Variants in LOXHD1 observed in about 807,000 individuals in gnomAD.
The protein encoded by LOXHD1 is lipoxygenase homology PLAT domains 1.
In LOXHD1, 205 loss-of-function variants were observed where a neutral mutation model predicts 248.2. That is an observed-to-expected ratio of 0.83 (90% CI 0.74 to 0.93). LOXHD1 has a LOEUF of 0.93. LOXHD1 is among the 40% of genes least tolerant of loss of function. LOXHD1 has a pLI of 0.00. For synonymous variants in LOXHD1, 1,113 were observed against 1,162.8 expected, an observed-to-expected ratio of 0.96 and a Z score of 0.87; for missense variants, 2,930 against 2,971.6, an observed-to-expected ratio of 0.99 and a Z score of 0.33.
chr18:46,505,383 T>G (rs2034495438), intron 37 of LOXHD1, among the ~76,000 whole-genome samples: 2 of 152,126 alleles, frequency 1.3e-5, no homozygotes, highest in Admixed American at 1.3e-4. Flanking sequence ...GATCTCACAA[T>G]GTTGTTTAGG....
chr18:46,486,866 T>G (rs1395363572), intron 38 of LOXHD1, among the ~76,000 whole-genome samples: 2 of 152,188 alleles, frequency 1.3e-5, no homozygotes, highest in African/African-American at 4.8e-5. Flanking sequence ...TTAGGTAGAT[T>G]AGAAACACAT....
chr18:46,556,987 T>C (rs1302349956), intron 21 of LOXHD1, among the ~76,000 whole-genome samples: 6 of 100,344 alleles, frequency 6.0e-5, no homozygotes, highest in South Asian at 3.6e-4. Flanking sequence ...ACTCACCCAC[T>C]CTCATTTTCA....
At chr18:46,497,327 G>A (rs2033935792) in intron 37 of LOXHD1, among the ~76,000 whole-genome samples, 1 of 152,200 alleles carries the variant, frequency 6.6e-6, no homozygotes. Flanking sequence ...GTTTAGAGCT[G>A]TCCACGGTGC....
At chr18:46,637,017 A>G (rs1460160197) in intron 4 of LOXHD1, among the ~76,000 whole-genome samples, 2 of 152,072 alleles carry the variant, frequency 1.3e-5, no homozygotes, top group African/African-American at 4.8e-5. Flanking sequence ...GTGGTGGTGT[A>G]CACCTGTAGT....
rs1484218731 is a variant in LOXHD1, at chr18:46,538,218, T to C, written c.4033A>G (p.Thr1345Ala). Reference protein sequence around the residue: ...AVCTQQKYLCTNKREQKQFFE... With the variant: ...AVCTQQKYLCANKREQKQFFE... ...AACTGCTTCTGTTCCCTCTTGTTGG[T>C]ACACAGATACTTCTGCTGGGTGCAC... The change falls in exon 26 of 41, where the codon ACC becomes GCC. Residue 1345 changes from threonine to alanine, a missense_variant. By Grantham distance (58) the Thr-to-Ala change is moderately conservative (BLOSUM62 0). Transcript: ENST00000642948. 1 of 1,548,244 alleles carries C rather than the reference T, an allele frequency of 6.5e-7. No individual in the cohort carries two copies. The highest frequency in any genetic ancestry group is 8.7e-7 in the Non-Finnish European group (1 of 1,144,020).
At chr18:46,480,362 A>C (rs1391026050) in intron 40 of LOXHD1, among the ~76,000 whole-genome samples, 1 of 152,128 alleles carries the variant, frequency 6.6e-6, no homozygotes, top group African/African-American at 2.4e-5. Context: ...GTACATAGAC[A>C]TATGGGGATG....
At chr18:46,492,324 A>G (rs1295583976) in intron 37 of LOXHD1, among the ~76,000 whole-genome samples, 2 of 152,240 alleles carry the variant, frequency 1.3e-5, no homozygotes, top group Non-Finnish European at 2.9e-5. Context: ...TGGGTAATTT[A>G]TAAAGAAAAG....
At position 46,485,995 on chromosome 18, in the gene LOXHD1, C is replaced by T. The variant is rs112682144; in HGVS notation, c.6050-844G>A. 6.5e-3 allele frequency among the ~76,000 whole-genome samples: 988 copies of T among 152,020 alleles called. 13 individuals are homozygous for T. The highest frequency in any genetic ancestry group is 0.023 in the African/African-American group (933 of 41,442). On this transcript the variant is annotated intron_variant, in intron 38 of 40. Coordinates refer to ENST00000642948, the MANE Select transcript of LOXHD1 (RefSeq NM_001384474.1). The stretch of plus-strand genomic sequence containing the variant: ...CCTCTCCCTCCCCCACCCATAGTGG[C>T]GTGGCTCACTGACTCACCTCCTTCT...
intron 17 of LOXHD1, among the ~76,000 whole-genome samples, chr18:46,564,083 GGAGAGA>G (rs771086283): frequency 6.7e-6 from 1 of 148,946 alleles, no homozygotes; most frequent in South Asian, 2.1e-4. Flanking sequence ...GGAAGGAGGG[GGAGAGA>G]GAGAGTGTGT....
chr18:46,656,874 A>T, intron 1 of LOXHD1, 30 bp downstream of exon 1: 2 of 1,548,280 alleles, frequency 1.3e-6, no homozygotes, highest in Non-Finnish European at 1.7e-6. Context: ...CAGCTGCACC[A>T]CCCGCCCCCC....
chr18:46,620,883 C>T (rs531492751), intron 4 of LOXHD1, among the ~76,000 whole-genome samples: 3 of 152,304 alleles, frequency 2.0e-5, no homozygotes, highest in Admixed American at 6.5e-5. Context: ...GCAGCACGAA[C>T]GCACACGGGA....
At chr18:46,527,568 C>T (rs1447378532) in intron 29 of LOXHD1, among the ~76,000 whole-genome samples, 1 of 152,220 alleles carries the variant, frequency 6.6e-6, no homozygotes, top group Non-Finnish European at 1.5e-5. Context: ...GTCAGAGCCA[C>T]GATCTGAGCT....
chr18:46,494,916 C>A (rs1332259990), intron 37 of LOXHD1, among the ~76,000 whole-genome samples: 29 of 141,098 alleles, frequency 2.1e-4, no homozygotes, highest in Non-Finnish European at 2.7e-4. Context: ...TGCAGTGGCA[C>A]GATCTCAGCT....
chr18:46,495,435 G>GA (rs1039552383), intron 37 of LOXHD1, among the ~76,000 whole-genome samples: 19 of 131,016 alleles, frequency 1.5e-4, no homozygotes, highest in African/African-American at 4.5e-4. Flanking sequence ...GAAAGAATTA[G>GA]AAAATCACCA....
chr18:46,565,449 T>C (rs2037621322), intron 17 of LOXHD1, among the ~76,000 whole-genome samples: 1 of 152,196 alleles, frequency 6.6e-6, no homozygotes, highest in Non-Finnish European at 1.5e-5. Context: ...CTGTCTCCCC[T>C]GTGGAATATA....
At chr18:46,543,379 A>G (rs1326971303) in intron 23 of LOXHD1, among the ~76,000 whole-genome samples, 3 of 152,160 alleles carry the variant, frequency 2.0e-5, no homozygotes, top group African/African-American at 7.2e-5. Context: ...GTAGTATTCC[A>G]TGGTGTGTAT....
intron 14 of LOXHD1, among the ~76,000 whole-genome samples, chr18:46,574,727 C>T (rs1395562059): frequency 6.6e-6 from 1 of 152,166 alleles, no homozygotes; most frequent in East Asian, 1.9e-4. Flanking sequence ...ATCATCAGCA[C>T]CACTGTGTCT....
At chr18:46,547,884 T>C (rs747499830) in intron 21 of LOXHD1, among the ~76,000 whole-genome samples, 1 of 152,234 alleles carries the variant, frequency 6.6e-6, no homozygotes, top group Non-Finnish European at 1.5e-5. Context: ...GTCATGCTTA[T>C]ACAAAAACAT....
intron 37 of LOXHD1, among the ~76,000 whole-genome samples, chr18:46,502,731 C>T (rs757850009): frequency 1.3e-5 from 2 of 152,178 alleles, no homozygotes; most frequent in Admixed American, 6.5e-5. Context: ...ATATTCTCCA[C>T]TCTCACCCCT....
Sources: allele counts gnomAD v4.1 joint callset (sites outside exome capture counted in the v4.1 genomes callset), GRCh38; gene constraint gnomAD v4.1.1; transcripts MANE v1.5; gene names NCBI Gene and HGNC (gene_info 2026-07-23, HGNC 2026-07-21).